Variants in ZSWIM3 observed in about 807,000 individuals in gnomAD.
ZSWIM3 encodes the protein zinc finger SWIM-type containing 3.
ZSWIM3 carries 27 observed loss-of-function variants against 47.5 expected under a neutral mutation model. The ratio of observed to expected loss-of-function variants is 0.57; its 90% CI spans 0.42 to 0.78. The LOEUF is 0.78. ZSWIM3 is among the 30% of genes least tolerant of loss of function. The probability of loss-of-function intolerance (pLI) is 0.00; values close to 1 mark genes in which losing one functional copy is unlikely to be tolerated. For synonymous variants in ZSWIM3, 333 were observed against 333.9 expected, an observed-to-expected ratio of 1.00 and a Z score of 0.03; for missense variants, 689 against 861.3, an observed-to-expected ratio of 0.80 and a Z score of 2.50.
intron 1 of ZSWIM3, among the ~76,000 whole-genome samples, chr20:45,871,814 T>C (rs1233102121): frequency 6.9e-6 from 1 of 145,144 alleles, no homozygotes; most frequent in East Asian, 2.0e-4. Flanking sequence ...TGAGTCAAGA[T>C]CACACTACTG....
intron 1 of ZSWIM3, among the ~76,000 whole-genome samples, chr20:45,860,881 A>G (rs539300581): frequency 6.6e-6 from 1 of 152,362 alleles, no homozygotes; most frequent in South Asian, 2.1e-4. Context: ...TCAAGGGACC[A>G]TTCTGCCTGC....
chr20:45,867,645 C>G (rs921720275), intron 1 of ZSWIM3, among the ~76,000 whole-genome samples: 1 of 152,178 alleles, frequency 6.6e-6, no homozygotes, highest in Non-Finnish European at 1.5e-5. Context: ...AAACTGTGGC[C>G]TCCACTTTCA....
chr20:45,871,350 T>C (rs1487798466), intron 1 of ZSWIM3, among the ~76,000 whole-genome samples: 2 of 152,120 alleles, frequency 1.3e-5, no homozygotes, highest in African/African-American at 4.8e-5. Context: ...ACTGTAACTA[T>C]AGAGGTAAAG....
rs1420281605 is a variant in ZSWIM3, at chr20:45,876,744, G to A, written c.186G>A (p.Arg62=). 3 of 1,613,698 alleles carry A rather than the reference G, an allele frequency of 1.9e-6. No individual in the cohort carries two copies. The South Asian group carries it at 3.3e-5, about 18-fold the overall frequency. The change falls in exon 2 of 2, where the codon CGG becomes CGA. Residue 62 remains arginine (R), a synonymous_variant. Coordinates refer to ENST00000255152, the MANE Select transcript of ZSWIM3 (RefSeq NM_080752.4). ...TGCAGGTGAAATTTGTCTGCATTCGGACCCAATCAAACAGGAAGAGAACGC... is the reference window on the plus strand; with the variant it reads ...TGCAGGTGAAATTTGTCTGCATTCGAACCCAATCAAACAGGAAGAGAACGC... ...LYVQVKFVCI[R]TQSNRKRTRE...
chr20:45,876,024 G>GTTTTTTGTTTTTTTGT (rs141851265), intron 1 of ZSWIM3, among the ~76,000 whole-genome samples: 1 of 148,790 alleles, frequency 6.7e-6, no homozygotes, highest in Non-Finnish European at 1.5e-5. Context: ...CTGTTTGTTT[G>GTTTTTTGTTTTTTTGT]TTTTTTGTTT....
intron 1 of ZSWIM3, among the ~76,000 whole-genome samples, chr20:45,866,949 C>A (rs1041419590): frequency 6.6e-6 from 1 of 150,862 alleles, no homozygotes; most frequent in South Asian, 2.1e-4. Context: ...TGGGAATTAC[C>A]ACTAAATGAC....
In ZSWIM3 at chr20:45,876,723, G is replaced by C; in HGVS notation, c.165G>C (p.Gln55His). The change falls in exon 2 of 2, where the codon CAG (glutamine) becomes CAC (histidine). Residue 55 changes from glutamine (Q) to histidine (H), a missense_variant. Physicochemically the swap from Gln to His is conservative, Grantham distance 24 (BLOSUM62 0). Coordinates refer to ENST00000255152, the MANE Select transcript of ZSWIM3 (RefSeq NM_080752.4). ...TSIREDILYV[Q>H]VKFVCIRTQS... ...CCTCTACCTTCCCTAGGTATGTGCA[G>C]GTGAAATTTGTCTGCATTCGGACCC... is the stretch of plus-strand genomic sequence containing the variant. 6.2e-7 allele frequency: 1 copy of C among 1,612,060 alleles called. No individual in the cohort carries two copies. Among genetic ancestry groups the C allele is most frequent in the Non-Finnish European group, 8.5e-7 (1 of 1,178,728 alleles).
At chr20:45,869,918 C>T (rs546322909) in intron 1 of ZSWIM3, among the ~76,000 whole-genome samples, 149 of 151,648 alleles carry the variant, frequency 9.8e-4, no homozygotes, top group African/African-American at 3.5e-3. Context: ...GTGGCGGGCA[C>T]CTGTAATCCC....
intron 1 of ZSWIM3, among the ~76,000 whole-genome samples, chr20:45,859,446 G>A (rs572386604): frequency 5.5e-5 from 8 of 146,140 alleles, no homozygotes; most frequent in African/African-American, 2.1e-4. Flanking sequence ...AAAAAGAAAT[G>A]TACGGAGAAA....
chr20:45,859,877 G>A (rs1261581249), intron 1 of ZSWIM3, among the ~76,000 whole-genome samples: 3 of 151,610 alleles, frequency 2.0e-5, no homozygotes, highest in Non-Finnish European at 2.9e-5. Context: ...ACAAGGTGTG[G>A]CCCATAGCAG....
At position 45,876,667 on chromosome 20, in the gene ZSWIM3, TG is replaced by T. The variant is rs751649059; in HGVS notation, c.156-41del. The T allele has an allele frequency of 4.5e-6, 7 of 1,570,450 alleles. No homozygotes were observed. The South Asian group carries it at 4.8e-5, about 11-fold the overall frequency. ...TTCAGGGTCTTATCTTTATAAGGGG[TG>T]GGGGGTGGTCAGCACCTTTCTCATT... On this transcript the variant is annotated intron_variant, in intron 1 of 1. Transcript: ENST00000255152.
intron 1 of ZSWIM3, among the ~76,000 whole-genome samples, chr20:45,871,400 C>T (rs962236063): frequency 3.3e-5 from 5 of 152,246 alleles, no homozygotes; most frequent in African/African-American, 1.2e-4. Context: ...ATAATAGGTG[C>T]TCTATGAATG....
intron 1 of ZSWIM3, among the ~76,000 whole-genome samples, chr20:45,871,148 A>C (rs1000312872): frequency 6.6e-6 from 1 of 152,202 alleles, no homozygotes; most frequent in Non-Finnish European, 1.5e-5. Context: ...TTCATTGAGC[A>C]CTATAGTTAT....
In ZSWIM3 at chr20:45,877,212, A is replaced by G; in HGVS notation, c.654A>G (p.Pro218=). The G allele has an allele frequency of 6.2e-7, 1 of 1,614,096 alleles. No individual in the cohort carries two copies. The highest frequency in any genetic ancestry group is 2.2e-5 in the East Asian group (1 of 44,874). Residue 218 remains proline (P), a synonymous_variant, in exon 2 of 2, where the codon CCA becomes CCG. Coordinates refer to ENST00000255152, the MANE Select transcript of ZSWIM3 (RefSeq NM_080752.4). ...TGACCGACCTGTTCATCCGCTTCCC[A>G]GAGAATCTCTTGCTACACCGGGTGG... ...SKMTDLFIRF[P]ENLLLHRVEN...
At chr20:45,869,305 G>A (rs2145789455) in intron 1 of ZSWIM3, among the ~76,000 whole-genome samples, 2 of 151,702 alleles carry the variant, frequency 1.3e-5, no homozygotes, top group East Asian at 4.0e-4. Flanking sequence ...GATTGCTTGA[G>A]GCCCGGAGTT....
intron 1 of ZSWIM3, among the ~76,000 whole-genome samples, chr20:45,866,158 C>T (rs1279725763): frequency 2.0e-5 from 3 of 151,286 alleles, no homozygotes; most frequent in African/African-American, 7.3e-5. Flanking sequence ...ACAAATTAGT[C>T]GGGTGTGGTG....
chr20:45,877,601 A>G lies in ZSWIM3; in HGVS notation c.1043A>G (p.Lys348Arg). 6.2e-7 allele frequency: 1 copy of G among 1,614,186 alleles called. No individual in the cohort carries two copies. The highest frequency in any genetic ancestry group is 1.1e-5 in the South Asian group (1 of 91,082). Residue 348 changes from lysine (K) to arginine (R), a missense_variant, in exon 2 of 2, where the codon AAA (lysine) becomes AGA (arginine). Lys to Arg is a conservative substitution (Grantham distance 26, BLOSUM62 2). Transcript: ENST00000255152. ...TTTGTCACTTCTGAAGCCAGCCTGA[A>G]AAATCTCTGCCAGATGTCCCAGGCC... ...AVFVTSEASLKNLCQMSQAVL... is the reference protein window; with the variant it reads ...AVFVTSEASLRNLCQMSQAVL...
intron 1 of ZSWIM3, among the ~76,000 whole-genome samples, chr20:45,861,045 G>A (rs1178277651): frequency 6.6e-6 from 1 of 152,180 alleles, no homozygotes; most frequent in Non-Finnish European, 1.5e-5. Flanking sequence ...GAGATTGCTT[G>A]AAATGAAGAG....
At chr20:45,870,026 A>ACTCCAGACT (rs1322208466) in intron 1 of ZSWIM3, among the ~76,000 whole-genome samples, 290 of 142,418 alleles carry the variant, frequency 2.0e-3, no homozygotes, top group African/African-American at 7.6e-3. Context: ...ACTGGGCAAC[A>ACTCCAGACT]GGGCAAAACT....
Sources: gnomAD v4.1 joint callset for allele counts (sites outside exome capture counted in the v4.1 genomes callset) on GRCh38, gnomAD v4.1.1 for gene constraint, MANE v1.5 for transcripts, NCBI Gene and HGNC (gene_info 2026-07-23, HGNC 2026-07-21) for gene names.